Variants in RECK observed in about 807,000 individuals in gnomAD.
RECK encodes the protein reversion-inducing cysteine-rich protein with Kazal motifs.
RECK carries 69 observed loss-of-function variants against 115.1 expected under a neutral mutation model. The observed-to-expected ratio is 0.60, with a 90% CI of 0.49 to 0.73. The LOEUF (loss-of-function observed/expected upper bound fraction) is 0.73. Among genes scored for constraint, RECK ranks in the 30% least tolerant of loss-of-function variants. The pLI is 0.00. For synonymous variants in RECK, 414 were observed against 419.7 expected (o/e 0.99, Z 0.17); for missense variants, 1,047 against 1,203.7 (o/e 0.87, Z 1.93).
Position 36,105,291 on chromosome 9 carries a change from G to GTA in RECK, c.1576+9_1576+10dup. 1 of 1,613,874 alleles carries GTA rather than the reference G, an allele frequency of 6.2e-7. No homozygotes were observed. The highest frequency in any genetic ancestry group is 8.5e-7 in the Non-Finnish European group (1 of 1,179,796). On this transcript the variant is annotated intron_variant, in intron 13 of 20. Transcript: ENST00000377966. ...CATACTTTTGTGTTCAAGGTAAGAG[G>GTA]TAGGTGGGTGTGAGAAGAGGATGGA...
At chr9:36,047,752 A>G (rs1588267225) in intron 1 of RECK, among the ~76,000 whole-genome samples, 3 of 151,844 alleles carry the variant, frequency 2.0e-5, no homozygotes, top group African/African-American at 7.3e-5. Flanking sequence ...TTGTAAACCA[A>G]ATGTTTAGAA....
At chr9:36,057,394 A>C (rs1228165172) in intron 2 of RECK, among the ~76,000 whole-genome samples, 1 of 151,922 alleles carries the variant, frequency 6.6e-6, no homozygotes, top group Non-Finnish European at 1.5e-5. Context: ...GGGTTTCTCC[A>C]CTTTTTTTGG....
chr9:36,106,289 T>C (rs1823812625), intron 13 of RECK, among the ~76,000 whole-genome samples: 1 of 151,040 alleles, frequency 6.6e-6, no homozygotes, highest in Non-Finnish European at 1.5e-5. Context: ...GGCTAGAGTG[T>C]AATGGCACTA....
At chr9:36,080,503 T>C (rs1822642772) in intron 6 of RECK, 102 bp from the exon 7 acceptor site, 1 of 913,870 alleles carries the variant, frequency 1.1e-6, no homozygotes, top group Non-Finnish European at 1.7e-6. Context: ...AAGAATTAAA[T>C]AGTTTTAATA....
At chr9:36,058,952 T>C (rs1821650694) in intron 3 of RECK, 51 bp downstream of exon 3, 2 of 1,226,198 alleles carry the variant, frequency 1.6e-6, no homozygotes, top group Non-Finnish European at 2.2e-6. Flanking sequence ...AATGAAACTA[T>C]CCAATGAATT....
intron 16 of RECK, among the ~76,000 whole-genome samples, chr9:36,116,271 G>A (rs1050821564): frequency 1.3e-5 from 2 of 152,068 alleles, no homozygotes; most frequent in Non-Finnish European, 1.5e-5. Flanking sequence ...TGGGATTACA[G>A]GCATGCGCCA....
In RECK at chr9:36,117,270, G is replaced by A; in HGVS notation, c.2253+93G>A. On this transcript the variant is annotated intron_variant, in intron 17 of 20. Coordinates refer to ENST00000377966, the MANE Select transcript of RECK (RefSeq NM_021111.3). ...GAATCAACAGTAAGACCAGCCGAGGGTCTTCTGTGAATCCTGTCAAATCTA... is the reference window on the plus strand; with the variant it reads ...GAATCAACAGTAAGACCAGCCGAGGATCTTCTGTGAATCCTGTCAAATCTA... 3.9e-6 allele frequency: 4 copies of A among 1,015,436 alleles called. No individual in the cohort carries two copies. The South Asian group carries it at 7.1e-5, about 18-fold the overall frequency. 62.9% of individuals were successfully genotyped at this position (1,015,436 alleles called of 1,614,324 possible). A position where few individuals can be genotyped will look rare whatever the true frequency, so the allele number is the denominator to read the frequency against.
intron 11 of RECK, 47 bp downstream of exon 11, chr9:36,100,590 T>C: frequency 7.1e-7 from 1 of 1,404,470 alleles, no homozygotes; most frequent in East Asian, 2.3e-5. Flanking sequence ...GTTCAGACCC[T>C]CCGTGATCTC....
At chr9:36,083,840 T>G (rs1206148712) in intron 8 of RECK, among the ~76,000 whole-genome samples, 2 of 152,138 alleles carry the variant, frequency 1.3e-5, no homozygotes, top group East Asian at 3.8e-4. Flanking sequence ...GTAATGACCA[T>G]TAGGATTTCA....
chr9:36,049,131 C>T (rs1352648756), intron 1 of RECK, among the ~76,000 whole-genome samples: 2 of 152,130 alleles, frequency 1.3e-5, no homozygotes, highest in African/African-American at 4.8e-5. Context: ...TGCAGAGCTT[C>T]TATGTCCTCT....
chr9:36,098,775 T>C (rs1488706012), intron 10 of RECK, among the ~76,000 whole-genome samples: 2 of 152,148 alleles, frequency 1.3e-5, no homozygotes, highest in Admixed American at 6.6e-5. Flanking sequence ...GGATGAATCT[T>C]ACATTGAGAA....
intron 10 of RECK, among the ~76,000 whole-genome samples, chr9:36,098,427 G>A (rs1474625463): frequency 6.6e-6 from 1 of 152,134 alleles, no homozygotes; most frequent in Admixed American, 6.5e-5. Flanking sequence ...AATTAAAATA[G>A]CAATTCAGTG....
chr9:36,071,776 A>G (rs529920567), intron 6 of RECK, among the ~76,000 whole-genome samples: 2 of 152,324 alleles, frequency 1.3e-5, no homozygotes, highest in South Asian at 4.1e-4. Context: ...TGCCAATACA[A>G]CTAAAATATT....
chr9:36,039,803 C>G (rs566923341), intron 1 of RECK, among the ~76,000 whole-genome samples: 1 of 152,206 alleles, frequency 6.6e-6, no homozygotes, highest in Non-Finnish European at 1.5e-5. Flanking sequence ...AAACGCCTAT[C>G]TGGAGCAAAG....
chr9:36,095,527 C>G (rs1014515674), intron 10 of RECK, among the ~76,000 whole-genome samples: 4 of 152,180 alleles, frequency 2.6e-5, no homozygotes, highest in Non-Finnish European at 5.9e-5. Flanking sequence ...AACAAGGTAA[C>G]TATTGTCCTG....
intron 9 of RECK, among the ~76,000 whole-genome samples, chr9:36,088,217 A>G (rs1823040105): frequency 6.6e-6 from 1 of 152,230 alleles, no homozygotes; most frequent in Non-Finnish European, 1.5e-5. Context: ...TAAATATTTA[A>G]GATGATGCAA....
intron 18 of RECK, 76 bp downstream of exon 18, chr9:36,119,043 G>T: frequency 7.3e-7 from 1 of 1,365,990 alleles, no homozygotes; most frequent in East Asian, 2.3e-5. Context: ...GTGAGTCATT[G>T]AGAAGAGAGC....
chr9:36,055,338 C>T (rs1821482227), intron 2 of RECK, among the ~76,000 whole-genome samples: 1 of 152,080 alleles, frequency 6.6e-6, no homozygotes, highest in Admixed American at 6.6e-5. Flanking sequence ...ATTCATTCTA[C>T]TTTATGGGAT....
intron 16 of RECK, among the ~76,000 whole-genome samples, chr9:36,114,191 G>A (rs1415559458): frequency 1.3e-5 from 2 of 152,184 alleles, no homozygotes; most frequent in African/African-American, 4.8e-5. Flanking sequence ...CCATTGTCTA[G>A]AACTCAGTCC....
Sources: allele counts gnomAD v4.1 joint callset (sites outside exome capture counted in the v4.1 genomes callset), GRCh38; gene constraint gnomAD v4.1.1; transcripts MANE v1.5; gene names NCBI Gene and HGNC (gene_info 2026-07-23, HGNC 2026-07-21).